The following TBC1D19 variants were observed in gnomAD, a reference collection of about 807,000 sequenced individuals.
The protein encoded by TBC1D19 is TBC1 domain family member 19.
Under a neutral mutation model 89.0 loss-of-function variants are expected in TBC1D19, and 60 were observed. The ratio of observed to expected loss-of-function variants is 0.67; its 90% CI spans 0.55 to 0.84. The LOEUF is 0.84. TBC1D19 is among the 40% of genes least tolerant of loss of function. The pLI, the probability that TBC1D19 is intolerant of heterozygous loss-of-function variation, is 0.00. For missense variants in TBC1D19, 500 were observed against 610.8 expected (o/e 0.82, Z 1.91); for synonymous variants, 189 against 199.7 (o/e 0.95, Z 0.45).
At chr4:26,789,790 T>C in the TBC1D19 span, among the ~76,000 whole-genome samples, 10 of 152,198 alleles carry the variant, frequency 6.6e-5, no homozygotes, top group African/African-American at 2.4e-4. Flanking sequence ...TGAGTCAAAG[T>C]GTTCATCAAT....
chr4:26,706,961 G>A (rs1437593861), intron 13 of TBC1D19, among the ~76,000 whole-genome samples: 1 of 151,824 alleles, frequency 6.6e-6, no homozygotes, highest in Non-Finnish European at 1.5e-5. Flanking sequence ...GATCTATCTG[G>A]AAAATGTCCC....
the TBC1D19 span, among the ~76,000 whole-genome samples, chr4:26,793,163 A>G: frequency 6.6e-6 from 1 of 152,170 alleles, no homozygotes; most frequent in Non-Finnish European, 1.5e-5. Context: ...GAAGTCAGGA[A>G]CAGTGAGGGA....
At chr4:26,727,195 G>A (rs969124892) in intron 15 of TBC1D19, among the ~76,000 whole-genome samples, 17 of 152,170 alleles carry the variant, frequency 1.1e-4, no homozygotes, top group Admixed American at 8.5e-4. Flanking sequence ...CTGAAGTGAT[G>A]AGAGGCAAAG....
rs192849670 is a variant in TBC1D19 at position 26,729,010 on chromosome 4, G to A, written c.1085-6445G>A. ...AGCCTCGGCGACAGAGCGAGACTCC[G>A]TCTCAAAAAAAGAAAAAAAGAAAAG... On this transcript the variant is annotated intron_variant, in intron 15 of 20. Transcript: ENST00000264866. Among the ~76,000 whole-genome samples the A allele has an allele frequency of 7.9e-4, 120 of 152,232 alleles. 1 individual carries two copies. In the Middle Eastern group the frequency reaches 0.01, roughly 13 times the overall value.
chr4:26,594,477 A>G lies in TBC1D19; in HGVS notation c.99+10185A>G, dbSNP rs181683504. ...ATTAACTGCCTGTTTTTCTGTGACTAGTGAGCCTTATCTCTCCCTTTCTCA... is the reference window on the plus strand; with the variant it reads ...ATTAACTGCCTGTTTTTCTGTGACTGGTGAGCCTTATCTCTCCCTTTCTCA... On this transcript the variant is annotated intron_variant, in intron 1 of 20. Transcript: ENST00000264866. Among the ~76,000 whole-genome samples the G allele has an allele frequency of 2.0e-5, 3 of 152,232 alleles. No individual in the cohort carries two copies. The East Asian group carries it at 5.8e-4, about 29-fold the overall frequency.
At chr4:26,803,795 G>A in the TBC1D19 span, among the ~76,000 whole-genome samples, 1 of 152,204 alleles carries the variant, frequency 6.6e-6, no homozygotes, top group Non-Finnish European at 1.5e-5. Flanking sequence ...AGAACAAGGA[G>A]GGGAGAGGAC....
chr4:26,707,915 T>C (rs1203103198), intron 13 of TBC1D19, among the ~76,000 whole-genome samples: 2 of 152,066 alleles, frequency 1.3e-5, no homozygotes, highest in Non-Finnish European at 2.9e-5. Context: ...AGAAATTATG[T>C]AGAAAACAAA....
chr4:26,697,527 C>T (rs957174495), intron 13 of TBC1D19, among the ~76,000 whole-genome samples: 8 of 152,160 alleles, frequency 5.3e-5, no homozygotes, highest in Non-Finnish European at 1.0e-4. Context: ...CCAGCATCAT[C>T]CTGATACCAA....
At chr4:26,801,289 G>C in the TBC1D19 span, among the ~76,000 whole-genome samples, 557 of 147,676 alleles carry the variant, frequency 3.8e-3, 17 homozygotes, top group African/African-American at 0.015. Flanking sequence ...TCTTCTTTTT[G>C]TCAGGTTTGT....
At chr4:26,810,579 A>C in the TBC1D19 span, among the ~76,000 whole-genome samples, 2 of 152,050 alleles carry the variant, frequency 1.3e-5, no homozygotes, top group South Asian at 4.1e-4. Context: ...CTCGGGACAC[A>C]TTCTGACCCT....
the TBC1D19 span, among the ~76,000 whole-genome samples, chr4:26,769,852 G>T: frequency 6.6e-6 from 1 of 152,098 alleles, no homozygotes; most frequent in Non-Finnish European, 1.5e-5. Flanking sequence ...CCAGCCATAA[G>T]GTTCTTATTC....
chr4:26,578,037 T>C (rs1016639422), intron 1 of TBC1D19, among the ~76,000 whole-genome samples: 3 of 152,180 alleles, frequency 2.0e-5, no homozygotes, highest in Non-Finnish European at 4.4e-5. Context: ...GTGTCCTGTT[T>C]AAAAGGATTC....
chr4:26,854,956 C>A, the TBC1D19 span, among the ~76,000 whole-genome samples: 1 of 152,190 alleles, frequency 6.6e-6, no homozygotes, highest in South Asian at 2.1e-4. Context: ...CCTGCAGAAA[C>A]CTTTGACTGA....
intron 13 of TBC1D19, among the ~76,000 whole-genome samples, chr4:26,688,934 T>C (rs939770907): frequency 6.6e-6 from 1 of 152,026 alleles, no homozygotes; most frequent in Non-Finnish European, 1.5e-5. Flanking sequence ...GCTTACATGA[T>C]GTTCTTTTTT....
intron 12 of TBC1D19, among the ~76,000 whole-genome samples, chr4:26,687,467 C>CATA (rs941036327): frequency 2.0e-5 from 3 of 152,066 alleles, no homozygotes; most frequent in Non-Finnish European, 2.9e-5. Flanking sequence ...CAACTCTGGA[C>CATA]ATAATATTCA....
chr4:26,672,251 C>T (rs1216677313), intron 10 of TBC1D19, 64 bp downstream of exon 10: 2 of 1,194,250 alleles, frequency 1.7e-6, no homozygotes, highest in Non-Finnish European at 2.2e-6. Context: ...TAAATGTCTG[C>T]CTCAGATAAC....
chr4:26,673,975 G>T, intron 11 of TBC1D19, 87 bp downstream of exon 11: 5 of 737,112 alleles, frequency 6.8e-6, no homozygotes, highest in South Asian at 2.4e-5. Context: ...AAAAACTTTT[G>T]TTTCTTAATC....
chr4:26,742,382 C>A, intron 17 of TBC1D19, 126 bp from the exon 18 acceptor site: 2 of 723,684 alleles, frequency 2.8e-6, no homozygotes, highest in African/African-American at 1.8e-5. Context: ...ATGTTTTTGA[C>A]TCTTAAACAG....
At chr4:26,630,759 A>T (rs1178239200) in intron 4 of TBC1D19, among the ~76,000 whole-genome samples, 1 of 152,118 alleles carries the variant, frequency 6.6e-6, no homozygotes, top group South Asian at 2.1e-4. Flanking sequence ...ATATTAAATG[A>T]TCATCTGCTC....
Sources: allele counts gnomAD v4.1 joint callset (sites outside exome capture counted in the v4.1 genomes callset), GRCh38; gene constraint gnomAD v4.1.1; transcripts MANE v1.5; gene names NCBI Gene and HGNC (gene_info 2026-07-23, HGNC 2026-07-21).